The following MEF2C variants were observed in gnomAD, a reference collection of about 807,000 sequenced individuals.
MEF2C encodes the protein myocyte-specific enhancer factor 2C.
Under a neutral mutation model 50.5 loss-of-function variants are expected in MEF2C, and 6 were observed. The observed-to-expected ratio is 0.12, with a 90% CI of 0.07 to 0.23. The LOEUF is 0.23. MEF2C is among the 10% of genes least tolerant of loss of function. The probability of loss-of-function intolerance (pLI) is 1.00; values close to 1 mark genes in which losing one functional copy is unlikely to be tolerated. For missense variants in MEF2C, 276 were observed against 605.0 expected (o/e 0.46, Z 5.70); for synonymous variants, 183 against 228.0 (o/e 0.80, Z 1.78).
intron 4 of MEF2C, 130 bp downstream of exon 4, chr5:88,761,055 C>A (rs1371146084): frequency 3.1e-6 from 5 of 1,613,654 alleles, no homozygotes; most frequent in Non-Finnish European, 4.2e-6. Flanking sequence ...TTCTTCAGTG[C>A]GTGGGGTGAG....
chr5:88,781,844 A>T (rs1243804352), intron 3 of MEF2C, among the ~76,000 whole-genome samples: 3 of 152,092 alleles, frequency 2.0e-5, no homozygotes, highest in African/African-American at 7.2e-5. Flanking sequence ...GTGGTGGCAC[A>T]TGCCTGTAGT....
At chr5:88,779,326 A>T (rs1786525406) in intron 3 of MEF2C, among the ~76,000 whole-genome samples, 1 of 152,204 alleles carries the variant, frequency 6.6e-6, no homozygotes, top group Non-Finnish European at 1.5e-5. Context: ...GAGGTAATGT[A>T]CACTATCGAC....
intron 2 of MEF2C, among the ~76,000 whole-genome samples, chr5:88,818,449 G>GT (rs1554147254): frequency 6.6e-6 from 1 of 151,552 alleles, no homozygotes; most frequent in Non-Finnish European, 1.5e-5. Context: ...TATTTCAAGG[G>GT]TAAAAAAAAA....
intron 3 of MEF2C, among the ~76,000 whole-genome samples, chr5:88,779,980 A>G (rs1787055967): frequency 6.6e-6 from 1 of 151,890 alleles, no homozygotes. Context: ...CCCCCTCTCT[A>G]CTAAAAATAC....
chr5:88,744,040 A>T, intron 6 of MEF2C: 1 of 973,676 alleles, frequency 1.0e-6, no homozygotes, highest in Non-Finnish European at 1.2e-6. Flanking sequence ...TCTTTTTTTG[A>T]TCTCAACTAT....
At chr5:88,859,392 T>G (rs1824695306) in intron 1 of MEF2C, among the ~76,000 whole-genome samples, 1 of 152,212 alleles carries the variant, frequency 6.6e-6, no homozygotes, top group South Asian at 2.1e-4. Flanking sequence ...TGTTTTCTCC[T>G]TTGTGAAGTA....
Position 88,732,030 on chromosome 5 carries a change from T to A in MEF2C, c.638-129A>T, listed in dbSNP as rs1006769634. Reference sequence around the variant, plus strand: ...GTACATTGCAAAACCATAGGATGACTGATTTGACCTCCATGGGACAAGTAA... The same window carrying A: ...GTACATTGCAAAACCATAGGATGACAGATTTGACCTCCATGGGACAAGTAA... On this transcript the variant is annotated intron_variant, in intron 6 of 10. Coordinates refer to ENST00000504921, the MANE Select transcript of MEF2C (RefSeq NM_002397.5). 4.9e-6 allele frequency: 4 copies of A among 810,098 alleles called. No homozygotes were observed. In the Admixed American group the frequency reaches 1.2e-4, roughly 24 times the overall value. The allele number at this position is 810,098 out of a possible 1,614,324, so 50.2% of individuals were successfully genotyped here.
chr5:88,821,310 A>G (rs373073554), intron 2 of MEF2C, among the ~76,000 whole-genome samples: 1 of 152,110 alleles, frequency 6.6e-6, no homozygotes, highest in African/African-American at 2.4e-5. Context: ...TCTGTTGCCC[A>G]GGTTGAAGTG....
At chr5:88,741,108 G>T in intron 6 of MEF2C, 1 of 985,296 alleles carries the variant, frequency 1.0e-6, no homozygotes, top group Non-Finnish European at 1.2e-6. Flanking sequence ...TAATACATCC[G>T]CTTTACTTCC....
intron 4 of MEF2C, among the ~76,000 whole-genome samples, chr5:88,760,748 C>A (rs550777225): frequency 4.6e-5 from 7 of 152,158 alleles, no homozygotes; most frequent in Non-Finnish European, 7.4e-5. Context: ...TCTCATAAAT[C>A]TTTCTCTTCC....
At chr5:88,872,995 C>T (rs971335367) in intron 1 of MEF2C, among the ~76,000 whole-genome samples, 1 of 151,848 alleles carries the variant, frequency 6.6e-6, no homozygotes, top group East Asian at 1.9e-4. Context: ...TATCTTCATC[C>T]TTTCATGCTT....
At chr5:88,777,899 CTTTTTTTT>C (rs57841792) in intron 3 of MEF2C, among the ~76,000 whole-genome samples, 14 of 77,318 alleles carry the variant, frequency 1.8e-4, no homozygotes, top group African/African-American at 6.9e-4. Flanking sequence ...TTTTTCTTTT[CTTTTTTTT>C]TTTTTTTTTT....
At chr5:88,732,747 A>T (rs1235417511) in intron 6 of MEF2C, among the ~76,000 whole-genome samples, 3 of 152,206 alleles carry the variant, frequency 2.0e-5, no homozygotes, top group African/African-American at 7.2e-5. Flanking sequence ...TACAAATGCC[A>T]GCAGAGCTGG....
chr5:88,782,879 G>C (rs1788851002), intron 3 of MEF2C, among the ~76,000 whole-genome samples: 2 of 152,102 alleles, frequency 1.3e-5, no homozygotes, highest in Middle Eastern at 3.2e-3. Context: ...CAAATATTTA[G>C]AGTGCTTGAT....
At chr5:88,872,575 A>T (rs1829835770) in intron 1 of MEF2C, among the ~76,000 whole-genome samples, 1 of 151,926 alleles carries the variant, frequency 6.6e-6, no homozygotes, top group South Asian at 2.1e-4. Flanking sequence ...AAAATTTCTA[A>T]ATCACCATTA....
chr5:88,818,672 A>G (rs557019912), intron 2 of MEF2C, among the ~76,000 whole-genome samples: 1 of 151,870 alleles, frequency 6.6e-6, no homozygotes, highest in South Asian at 2.1e-4. Context: ...TCCACAAACT[A>G]TCCTCTCTGC....
chr5:88,824,105 A>G (rs1254019899), intron 1 of MEF2C, 175 bp from the exon 2 acceptor site: 2 of 866,646 alleles, frequency 2.3e-6, no homozygotes, highest in East Asian at 7.6e-5. Context: ...CAGATCAAGT[A>G]GTTTTATTTT....
In MEF2C at chr5:88,858,542, G is replaced by A. The variant is rs139432326; in HGVS notation, c.-143+24413C>T. ...TAAGAGTTAACTAGAAGACAAAGAA[G>A]GGAGCAAAGTGCATTTGATAAGGGT... is the stretch of plus-strand genomic sequence containing the variant. On this transcript the variant is annotated intron_variant, in intron 1 of 10. Coordinates refer to ENST00000504921, the MANE Select transcript of MEF2C (RefSeq NM_002397.5). Among the ~76,000 whole-genome samples, 436 of 152,292 alleles carry A rather than the reference G, an allele frequency of 2.9e-3. 3 individuals carry two copies. The highest frequency in any genetic ancestry group is 0.01 in the African/African-American group (416 of 41,560).
At chr5:88,824,043 T>C in intron 1 of MEF2C, 113 bp from the exon 2 acceptor site, 1 of 1,056,192 alleles carries the variant, frequency 9.5e-7, no homozygotes, top group South Asian at 4.0e-5. Flanking sequence ...AGCAATAAAA[T>C]GAATAAAAAT....
Sources: gnomAD v4.1 joint callset for allele counts (sites outside exome capture counted in the v4.1 genomes callset) on GRCh38, gnomAD v4.1.1 for gene constraint, MANE v1.5 for transcripts, NCBI Gene and HGNC (gene_info 2026-07-23, HGNC 2026-07-21) for gene names.